The following USP22 variants were observed in gnomAD, a reference collection of about 807,000 sequenced individuals.
USP22 encodes the protein ubiquitin carboxyl-terminal hydrolase 22.
A neutral mutation model predicts 68.1 loss-of-function variants in USP22; 22 were observed. The observed-to-expected ratio is 0.32, with a 90% CI of 0.23 to 0.46. The LOEUF (loss-of-function observed/expected upper bound fraction) is 0.46, where lower values mean the gene tolerates loss of function less well. Ranked by LOEUF, USP22 falls within the 20% of genes least tolerant of loss-of-function variation. The pLI, the probability that USP22 is intolerant of heterozygous loss-of-function variation, is 1.00. For synonymous variants in USP22, 279 were observed against 274.2 expected (o/e 1.02, Z -0.17); for missense variants, 433 against 695.8 (o/e 0.62, Z 4.25).
chr17:21,018,004 G>A lies in USP22; in HGVS notation c.628C>T (p.Arg210Cys), dbSNP rs1334587745. ...LRDFFLSDRHRCEMQSPSSCL... is the reference protein window; with the variant it reads ...LRDFFLSDRHCCEMQSPSSCL... The stretch of plus-strand genomic sequence containing the variant: ...GAGCTGGGGCTCTGCATCTCACAGC[G>A]GTGCCTGTCAGACAGGAAGAAGTCC... Residue 210 changes from arginine (R) to cysteine (C), a missense_variant, in exon 5 of 13, where the codon CGC becomes TGC. Around this residue, in one of 4 missense-constraint regions of USP22, gnomAD observed 144 missense variants for 237.2 expected, o/e 0.61. Transcript: ENST00000261497. 5 of 1,613,970 alleles carry A rather than the reference G, an allele frequency of 3.1e-6. No individual in the cohort carries two copies. Among genetic ancestry groups the A allele is most frequent in the East Asian group, 2.2e-5 (1 of 44,894 alleles).
chr17:21,011,387 T>A, intron 7 of USP22, 78 bp from the exon 8 acceptor site: 2 of 1,514,124 alleles, frequency 1.3e-6, no homozygotes, highest in Non-Finnish European at 1.8e-6. Context: ...TGGAAGCCGT[T>A]CCCACATCCC....
intron 2 of USP22, among the ~76,000 whole-genome samples, chr17:21,026,181 C>T (rs1429060158): frequency 1.3e-5 from 2 of 152,180 alleles, no homozygotes; most frequent in African/African-American, 4.8e-5. Flanking sequence ...TTGTTTGAAC[C>T]TGAGAGGCGG....
chr17:21,015,168 C>T (rs1914092642), intron 6 of USP22, among the ~76,000 whole-genome samples: 1 of 152,196 alleles, frequency 6.6e-6, no homozygotes, highest in African/African-American at 2.4e-5. Context: ...GCTGCCCCTG[C>T]CAACTACCAA....
intron 12 of USP22, among the ~76,000 whole-genome samples, chr17:21,003,627 C>G (rs916393527): frequency 6.6e-6 from 1 of 152,258 alleles, no homozygotes; most frequent in East Asian, 1.9e-4. Flanking sequence ...GTGGGCCGGG[C>G]CCGGTGGCTC....
At position 21,023,882 on chromosome 17, in the gene USP22, G is replaced by A. The variant is rs111833959; in HGVS notation, c.305-2656C>T. On this transcript the variant is annotated intron_variant, in intron 2 of 12. Transcript: ENST00000261497. ...GTACTAGTGCTTCCCAGAGCTGTGT[G>A]ATGATTAGGTTAGTATATAACTTAA... 4.3e-4 allele frequency among the ~76,000 whole-genome samples: 65 copies of A among 152,276 alleles called. 1 individual carries two copies. The highest frequency in any genetic ancestry group is 1.4e-3 in the African/African-American group (60 of 41,540).
rs1045597463 is a variant in USP22 at position 21,001,145 on chromosome 17, G to C, written c.*1886C>G. 1 of 151,862 alleles carries C rather than the reference G, an allele frequency of 6.6e-6. No homozygotes were observed. Among genetic ancestry groups the C allele is most frequent in the Non-Finnish European group, 1.5e-5 (1 of 68,030 alleles). 9.4% of individuals were successfully genotyped at this position (151,862 alleles called of 1,614,324 possible). A position where few individuals can be genotyped will look rare whatever the true frequency, so the allele number is the denominator to read the frequency against. Reference sequence around the variant, plus strand: ...ACATGGGACCATTTCTGAAAATCTCGGCCCATCTCTGTTTCTCTGGTAATT... The same window carrying C: ...ACATGGGACCATTTCTGAAAATCTCCGCCCATCTCTGTTTCTCTGGTAATT... On this transcript the variant is annotated 3_prime_UTR_variant, in exon 13 of 13. Coordinates refer to ENST00000261497, the MANE Select transcript of USP22 (RefSeq NM_015276.2).
intron 1 of USP22, 75 bp downstream of exon 1, chr17:21,042,590 A>C: frequency 8.0e-7 from 1 of 1,244,212 alleles, no homozygotes. Context: ...GGGCAGGAAA[A>C]GGGCCCCTCC....
At chr17:21,023,871 C>G (rs1454631532) in intron 2 of USP22, among the ~76,000 whole-genome samples, 1 of 152,120 alleles carries the variant, frequency 6.6e-6, no homozygotes, top group Non-Finnish European at 1.5e-5. Context: ...TAGTGCTTCC[C>G]AGAGCTGTGT....
Position 21,002,615 on chromosome 17 carries a change from A to G in USP22, c.*416T>C, listed in dbSNP as rs147386796. On this transcript the variant is annotated 3_prime_UTR_variant, in exon 13 of 13. Coordinates refer to ENST00000261497, the MANE Select transcript of USP22 (RefSeq NM_015276.2). ...CAAGGCCCTCTGTCCCGCACACTAC[A>G]CCTCTGTGTCCAGCTTACTGCTTTC... is the stretch of plus-strand genomic sequence containing the variant. 526 of 241,476 alleles carry G rather than the reference A, an allele frequency of 2.2e-3. 5 individuals are homozygous for G. The highest frequency in any genetic ancestry group is 0.011 in the African/African-American group (505 of 44,480). The allele number at this position is 241,476 out of a possible 1,614,324, so 15.0% of individuals were successfully genotyped here. A position where few individuals can be genotyped will look rare whatever the true frequency, so the allele number is the denominator to read the frequency against.
intron 1 of USP22, among the ~76,000 whole-genome samples, chr17:21,040,980 G>A (rs1053324099): frequency 6.6e-6 from 1 of 151,884 alleles, no homozygotes; most frequent in African/African-American, 2.4e-5. Flanking sequence ...CGCCTCCCGG[G>A]TTGAAGTGAT....
chr17:21,027,952 C>A (rs1333737322), intron 2 of USP22, among the ~76,000 whole-genome samples: 3 of 151,988 alleles, frequency 2.0e-5, no homozygotes, highest in Admixed American at 2.0e-4. Flanking sequence ...TGGGTGACAG[C>A]GCGAGACTCC....
chr17:21,027,242 C>A (rs1047160865), intron 2 of USP22, among the ~76,000 whole-genome samples: 1 of 137,444 alleles, frequency 7.3e-6, no homozygotes. Context: ...GAGCCATGAC[C>A]GCGCCACTGC....
In USP22 at chr17:21,002,754, C is replaced by T. The variant is rs538639141; in HGVS notation, c.*277G>A. 8 of 414,814 alleles carry T rather than the reference C, an allele frequency of 1.9e-5. No individual in the cohort carries two copies. In the Admixed American group the frequency reaches 2.9e-4, roughly 15 times the overall value. 25.7% of individuals were successfully genotyped at this position (414,814 alleles called of 1,614,324 possible). A position where few individuals can be genotyped will look rare whatever the true frequency, so the allele number is the denominator to read the frequency against. On this transcript the variant is annotated 3_prime_UTR_variant, in exon 13 of 13. Coordinates refer to ENST00000261497, the MANE Select transcript of USP22 (RefSeq NM_015276.2). The stretch of plus-strand genomic sequence containing the variant: ...CCCGTTGCACCCCCATGTCATGACA[C>T]AAGAGATGTTCTGGTGACGGGTGTA...
chr17:21,018,011 G>A lies in USP22; in HGVS notation c.621C>T (p.Asp207=). The change falls in exon 5 of 13, where the codon GAC becomes GAT. Residue 207 remains aspartate (D), a synonymous_variant. Coordinates refer to ENST00000261497, the MANE Select transcript of USP22 (RefSeq NM_015276.2). The part of the protein sequence containing the change: ...TPLLRDFFLS[D]RHRCEMQSPS... ...GGCTCTGCATCTCACAGCGGTGCCTGTCAGACAGGAAGAAGTCCCGCAGAA... is the reference window on the plus strand; with the variant it reads ...GGCTCTGCATCTCACAGCGGTGCCTATCAGACAGGAAGAAGTCCCGCAGAA... The A allele has an allele frequency of 6.2e-7, 1 of 1,614,128 alleles. No homozygotes were observed. Among genetic ancestry groups the A allele is most frequent in the East Asian group, 2.2e-5 (1 of 44,876 alleles).
chr17:21,016,048 A>C, intron 5 of USP22, 149 bp from the exon 6 acceptor site: 1 of 1,120,198 alleles, frequency 8.9e-7, no homozygotes. Flanking sequence ...TACTTTTTGC[A>C]AAGTCTATTT....
intron 5 of USP22, among the ~76,000 whole-genome samples, chr17:21,017,368 C>A (rs1972100606): frequency 6.6e-6 from 1 of 152,248 alleles, no homozygotes; most frequent in Non-Finnish European, 1.5e-5. Context: ...AGAAGCATGT[C>A]TAGGTCACGG....
In USP22 at chr17:21,042,908, G is replaced by T. The variant is rs916119157; in HGVS notation, c.-73C>A. ...AGGACGACGCCAGCGCGGCGTGGGG[G>T]CTGCTCGGCGGCTGGCCAGGCTGGC... is the stretch of plus-strand genomic sequence containing the variant. On this transcript the variant is annotated 5_prime_UTR_variant, in exon 1 of 13. Transcript: ENST00000261497. 3.8e-6 allele frequency: 4 copies of T among 1,059,228 alleles called. No homozygotes were observed. The highest frequency in any genetic ancestry group is 3.6e-6 in the Non-Finnish European group (3 of 838,046). The allele number at this position is 1,059,228 out of a possible 1,614,324, so 65.6% of individuals were successfully genotyped here.
intron 1 of USP22, among the ~76,000 whole-genome samples, chr17:21,032,234 T>C (rs1470678834): frequency 1.3e-5 from 2 of 152,238 alleles, no homozygotes; most frequent in African/African-American, 4.8e-5. Flanking sequence ...CTGTACCATC[T>C]AGCTTTGTGT....
chr17:21,043,302 C>CCCCCCCCCCCCCCCCCCCCCCCCCCG (rs1567596616), upstream of USP22: 1 of 47,548 alleles, frequency 2.1e-5, no homozygotes, highest in Non-Finnish European at 5.9e-5. Flanking sequence ...GTAGGCCACC[C>CCCCCCCCCCCCCCCCCCCCCCCCCCG]CCCCCCCCCC....
Sources: gnomAD v4.1 joint callset for allele counts (sites outside exome capture counted in the v4.1 genomes callset) on GRCh38, gnomAD v4.1.1 for gene constraint, gnomAD v4.1.1 regional missense constraint, MANE v1.5 for transcripts, NCBI Gene and HGNC (gene_info 2026-07-23, HGNC 2026-07-21) for gene names.